METTL15: variants seen among roughly 807,000 people sequenced by gnomAD.
METTL15 encodes 12S rRNA N(4)-cytidine methyltransferase METTL15.
METTL15 carries 34 observed loss-of-function variants against 38.3 expected under a neutral mutation model. The observed-to-expected ratio is 0.89, with a 90% confidence interval of 0.68 to 1.18. The LOEUF (loss-of-function observed/expected upper bound fraction) is 1.18. Ranked by LOEUF, METTL15 falls within the 50% of genes most tolerant of loss-of-function variation. METTL15 has a pLI of 0.00. For missense variants in METTL15, 438 were observed against 498.4 expected, an observed-to-expected ratio of 0.88 and a Z score of 1.15; for synonymous variants, 162 against 170.9, an observed-to-expected ratio of 0.95 and a Z score of 0.41.
At chr11:28,452,190 G>T (rs1232879622) in intron 6 of METTL15, among the ~76,000 whole-genome samples, 1 of 152,166 alleles carries the variant, frequency 6.6e-6, no homozygotes, top group African/African-American at 2.4e-5. Context: ...GGAATAATAG[G>T]GAGGGGTGCC....
At position 28,385,160 on chromosome 11, in the gene METTL15, T is replaced by G. The variant is rs1236415143; in HGVS notation, c.*358+23124T>G. Among the ~76,000 whole-genome samples, 6 of 152,350 alleles carry G rather than the reference T, an allele frequency of 3.9e-5. No individual in the cohort carries two copies. In the East Asian group the frequency reaches 1.2e-3, roughly 29 times the overall value. On this transcript the variant is annotated intron_variant and NMD_transcript_variant, in intron 5 of 7. Coordinates refer to the METTL15 transcript ENST00000532947. ...CTCTTTAGTTTAATTAGAAGCCATT[T>G]GTCAATTTTTGCTTTTGTTGCAATT...
intron 6 of METTL15, among the ~76,000 whole-genome samples, chr11:28,321,641 T>G (rs1420830817): frequency 6.6e-6 from 1 of 152,116 alleles, no homozygotes; most frequent in Admixed American, 6.5e-5. Flanking sequence ...AATCAAAATT[T>G]TTATTTTTAT....
chr11:28,217,961 G>A (rs967405613), intron 4 of METTL15, among the ~76,000 whole-genome samples: 2 of 152,134 alleles, frequency 1.3e-5, no homozygotes, highest in Non-Finnish European at 2.9e-5. Context: ...GGTTACTGTA[G>A]CCTTGTAGTG....
intron 6 of METTL15, among the ~76,000 whole-genome samples, chr11:28,317,524 A>T (rs916827572): frequency 6.6e-6 from 1 of 152,198 alleles, no homozygotes; most frequent in African/African-American, 2.4e-5. Flanking sequence ...TGACAGCCAC[A>T]GCACGATGCT....
chr11:28,514,553 A>T (rs983980166), intron 6 of METTL15, among the ~76,000 whole-genome samples: 1 of 152,232 alleles, frequency 6.6e-6, no homozygotes, highest in African/African-American at 2.4e-5. Context: ...TTGAATTGCT[A>T]TTACTTGCAA....
chr11:28,425,544 C>T (rs1850856241), intron 6 of METTL15, among the ~76,000 whole-genome samples: 1 of 152,158 alleles, frequency 6.6e-6, no homozygotes, highest in South Asian at 2.1e-4. Context: ...CTTTCCCCTT[C>T]CTCTCCATCC....
At chr11:28,454,908 G>A (rs578114496) in intron 6 of METTL15, among the ~76,000 whole-genome samples, 1 of 152,294 alleles carries the variant, frequency 6.6e-6, no homozygotes, top group East Asian at 1.9e-4. Context: ...GAGGGGCTTG[G>A]AGTGGAGGAT....
intron 3 of METTL15, among the ~76,000 whole-genome samples, chr11:28,177,859 A>G (rs1244891675): frequency 6.6e-6 from 1 of 151,984 alleles, no homozygotes; most frequent in African/African-American, 2.4e-5. Flanking sequence ...GTGGATGGAT[A>G]GATAGATGGA....
At chr11:28,419,950 G>C (rs1850805653) in intron 5 of METTL15, among the ~76,000 whole-genome samples, 1 of 152,080 alleles carries the variant, frequency 6.6e-6, no homozygotes, top group Admixed American at 6.6e-5. Flanking sequence ...ATGAAGACAG[G>C]CTATTCAAAA....
At chr11:28,195,071 A>G (rs556237855) in intron 3 of METTL15, among the ~76,000 whole-genome samples, 1 of 152,068 alleles carries the variant, frequency 6.6e-6, no homozygotes, top group East Asian at 1.9e-4. Context: ...CATGGTATAT[A>G]TACCACATTT....
chr11:28,131,507 T>A (rs1849336203), intron 3 of METTL15, among the ~76,000 whole-genome samples: 2 of 151,580 alleles, frequency 1.3e-5, no homozygotes, highest in Non-Finnish European at 2.9e-5. Flanking sequence ...AAGCATTTTT[T>A]TTTTTTTTTT....
At chr11:28,346,725 A>G (rs929711156) in intron 3 of METTL15, among the ~76,000 whole-genome samples, 1 of 152,214 alleles carries the variant, frequency 6.6e-6, no homozygotes, top group African/African-American at 2.4e-5. Context: ...TACTAAATAG[A>G]AGTCAAATTT....
chr11:28,354,688 T>A (rs914183146), intron 4 of METTL15, among the ~76,000 whole-genome samples: 15 of 152,150 alleles, frequency 9.9e-5, no homozygotes, highest in African/African-American at 3.6e-4. Context: ...GGGCAGTGAA[T>A]ATTTCTACTC....
intron 5 of METTL15, among the ~76,000 whole-genome samples, chr11:28,371,402 C>G (rs1850241732): frequency 2.0e-5 from 3 of 151,858 alleles, no homozygotes; most frequent in Non-Finnish European, 4.4e-5. Context: ...GTATTTATTC[C>G]AGTACCATGC....
intron 6 of METTL15, among the ~76,000 whole-genome samples, chr11:28,446,124 T>A (rs1240227551): frequency 6.6e-6 from 1 of 152,146 alleles, no homozygotes; most frequent in Admixed American, 6.5e-5. Context: ...CTGTAACCAC[T>A]GGACATAAAG....
At chr11:28,284,107 C>G (rs1461123167) in intron 4 of METTL15, among the ~76,000 whole-genome samples, 1 of 152,022 alleles carries the variant, frequency 6.6e-6, no homozygotes, top group African/African-American at 2.4e-5. Flanking sequence ...AATGATGTTT[C>G]CTTTATTCAG....
chr11:28,493,237 T>G (rs2133483436), intron 6 of METTL15, among the ~76,000 whole-genome samples: 2 of 151,954 alleles, frequency 1.3e-5, no homozygotes, highest in African/African-American at 2.4e-5. Flanking sequence ...GACCCCAGGG[T>G]TTTTATTGTT....
intron 6 of METTL15, among the ~76,000 whole-genome samples, chr11:28,302,264 A>C (rs564765767): frequency 6.6e-6 from 1 of 152,240 alleles, no homozygotes; most frequent in African/African-American, 2.4e-5. Flanking sequence ...GTGCACATTC[A>C]ATCAGAAAAG....
chr11:28,478,514 T>G (rs189247112), intron 6 of METTL15, among the ~76,000 whole-genome samples: 1 of 152,338 alleles, frequency 6.6e-6, no homozygotes, highest in Non-Finnish European at 1.5e-5. Flanking sequence ...CTACTAAATT[T>G]CAGTGTTACC....
Sources: gnomAD v4.1 joint callset for allele counts (sites outside exome capture counted in the v4.1 genomes callset) on GRCh38, gnomAD v4.1.1 for gene constraint, MANE v1.5 for transcripts, NCBI Gene and HGNC (gene_info 2026-07-23, HGNC 2026-07-21) for gene names.